The following EYS variants were observed in gnomAD, a reference collection of about 807,000 sequenced individuals.
EYS encodes protein eyes shut homolog.
EYS carries 250 observed loss-of-function variants against 282.1 expected under a neutral mutation model. That is an observed-to-expected ratio of 0.89 (90% CI 0.80 to 0.98). EYS has a LOEUF of 0.98. EYS is among the 50% of genes least tolerant of loss of function. The pLI, the probability that EYS is intolerant of heterozygous loss-of-function variation, is 0.00. For missense variants in EYS, 4,016 were observed against 3,709.0 expected, an observed-to-expected ratio of 1.08 and a Z score of -2.15; for synonymous variants, 1,355 against 1,282.9, an observed-to-expected ratio of 1.06 and a Z score of -1.20.
In EYS at chr6:64,590,477, G is replaced by T. The variant is rs1766368888; in HGVS notation, c.5390C>A (p.Ser1797Ter). The T allele has an allele frequency of 6.4e-7, 1 of 1,551,292 alleles. No homozygotes were observed. The highest frequency in any genetic ancestry group is 8.7e-7 in the Non-Finnish European group (1 of 1,146,780). ...VTTNVAFYTV[S>*]ATPALSIQTS... ...CTGTATTGAAAGTGCTGGAGTTGCT[G>T]AAACTGTATAAAATGCAACATTGGT... is the stretch of plus-strand genomic sequence containing the variant. Residue 1797 changes from serine to a stop codon, truncating the protein, a stop_gained, in exon 26 of 43, where the codon TCA (serine) becomes TAA (stop). Coordinates refer to ENST00000503581, the MANE Select transcript of EYS (RefSeq NM_001142800.2). LOFTEE classifies it high-confidence loss of function.
In EYS at chr6:64,751,050, G is replaced by A. The variant is rs180787318; in HGVS notation, c.3443+62328C>T. On this transcript the variant is annotated intron_variant, in intron 22 of 42. Coordinates refer to ENST00000503581, the MANE Select transcript of EYS (RefSeq NM_001142800.2). Reference sequence around the variant, plus strand: ...TTTGCTGTGTAGAGAACTTGATGCAGTGGCAGTTTTCATGCTACAAGCCTG... The same window carrying A: ...TTTGCTGTGTAGAGAACTTGATGCAATGGCAGTTTTCATGCTACAAGCCTG... Among the ~76,000 whole-genome samples, 4 of 152,242 alleles carry A rather than the reference G, an allele frequency of 2.6e-5. No individual in the cohort carries two copies. The East Asian group carries it at 7.8e-4, about 30-fold the overall frequency.
intron 30 of EYS, among the ~76,000 whole-genome samples, chr6:64,243,431 G>A (rs113347148): frequency 3.0e-4 from 45 of 152,222 alleles, no homozygotes; most frequent in Admixed American, 7.9e-4. Flanking sequence ...AGCCACTTTC[G>A]TGGACTCAGG....
chr6:65,464,250 G>C (rs1194367534), intron 5 of EYS, among the ~76,000 whole-genome samples: 1 of 152,086 alleles, frequency 6.6e-6, no homozygotes, highest in Non-Finnish European at 1.5e-5. Flanking sequence ...ATGAAGCAAA[G>C]AAGACTTTTT....
chr6:65,397,117 C>G, intron 7 of EYS, among the ~76,000 whole-genome samples: 1 of 151,854 alleles, frequency 6.6e-6, no homozygotes, highest in Non-Finnish European at 1.5e-5. Flanking sequence ...TCTCATGTTC[C>G]TATCTGGGTT....
chr6:65,662,063 T>C (rs1346890365), intron 1 of EYS, among the ~76,000 whole-genome samples: 1 of 152,078 alleles, frequency 6.6e-6, no homozygotes, highest in Admixed American at 6.5e-5. Flanking sequence ...TTTTACTTTT[T>C]TTCTGGTCAC....
intron 34 of EYS, among the ~76,000 whole-genome samples, chr6:63,989,218 AAG>A (rs1163582429): frequency 6.6e-6 from 1 of 151,662 alleles, no homozygotes; most frequent in Non-Finnish European, 1.5e-5. Context: ...GCTTTTATTT[AAG>A]AGTCATTACC....
chr6:64,450,641 A>C, intron 26 of EYS, among the ~76,000 whole-genome samples: 1 of 152,182 alleles, frequency 6.6e-6, no homozygotes, highest in Admixed American at 6.6e-5. Context: ...AAAGAACAGA[A>C]ATGATAACAA....
At chr6:63,845,422 G>C (rs1772073231) in intron 36 of EYS, among the ~76,000 whole-genome samples, 2 of 149,004 alleles carry the variant, frequency 1.3e-5, no homozygotes, top group Non-Finnish European at 3.0e-5. Context: ...AACTGTATCT[G>C]TTTGAGTTTG....
At chr6:64,884,801 T>A (rs546262353) in intron 19 of EYS, among the ~76,000 whole-genome samples, 99 of 151,794 alleles carry the variant, frequency 6.5e-4, no homozygotes, top group Non-Finnish European at 1.1e-3. Flanking sequence ...TATTTCATAA[T>A]ATTTTTTCTA....
intron 22 of EYS, among the ~76,000 whole-genome samples, chr6:64,804,186 G>T (rs1764355638): frequency 6.6e-6 from 1 of 152,172 alleles, no homozygotes; most frequent in Admixed American, 6.5e-5. Context: ...TTTGCTTTGA[G>T]ACAGCCATTT....
intron 15 of EYS, among the ~76,000 whole-genome samples, chr6:64,931,987 A>ACT (rs1276520623): frequency 2.0e-5 from 3 of 151,996 alleles, no homozygotes; most frequent in African/African-American, 7.2e-5. Context: ...TCAAACATAC[A>ACT]CTCTTCCATA....
Position 63,726,557 on chromosome 6 carries a change from A to T in EYS, c.8195T>A (p.Ile2732Asn). 1 of 1,551,372 alleles carries T rather than the reference A, an allele frequency of 6.4e-7. No homozygotes were observed. The highest frequency in any genetic ancestry group is 8.7e-7 in the Non-Finnish European group (1 of 1,146,794). The change falls in exon 42 of 43, where the codon ATC (isoleucine) becomes AAC (asparagine). Residue 2732 changes from isoleucine (I) to asparagine (N), a missense_variant. Transcript: ENST00000503581. The part of the protein sequence containing the change: ...LQFQPLAADG[I>N]LFYAAQHLKA... ...TAAGTGTTGTGCAGCATAAAATAGGATACCATCTGCAGCGAGAGGCTGAAA... is the reference window on the plus strand; with the variant it reads ...TAAGTGTTGTGCAGCATAAAATAGGTTACCATCTGCAGCGAGAGGCTGAAA...
chr6:64,375,976 A>T (rs896591980), intron 29 of EYS, among the ~76,000 whole-genome samples: 7 of 152,204 alleles, frequency 4.6e-5, no homozygotes, highest in African/African-American at 1.7e-4. Flanking sequence ...AAATTAATAC[A>T]AACCAAAAAT....
chr6:64,972,612 A>T (rs1026278070), intron 14 of EYS, among the ~76,000 whole-genome samples: 2 of 152,168 alleles, frequency 1.3e-5, no homozygotes, highest in Non-Finnish European at 2.9e-5. Flanking sequence ...CTTCCTTATG[A>T]TTTTCTTATA....
intron 13 of EYS, among the ~76,000 whole-genome samples, chr6:65,015,656 G>T (rs969876067): frequency 2.6e-5 from 4 of 151,760 alleles, no homozygotes; most frequent in South Asian, 2.1e-4. Flanking sequence ...ATACATATTT[G>T]GTAGGAAAAA....
At chr6:65,190,895 T>C (rs1765626334) in intron 12 of EYS, among the ~76,000 whole-genome samples, 1 of 151,800 alleles carries the variant, frequency 6.6e-6, no homozygotes, top group Admixed American at 6.6e-5. Context: ...AATACAAAAA[T>C]TCTAGGAACT....
intron 4 of EYS, chr6:65,491,420 C>A: frequency 3.2e-6 from 1 of 313,944 alleles, no homozygotes; most frequent in Non-Finnish European, 6.3e-6. Flanking sequence ...CTGTTACAAA[C>A]CAACTGCATG....
intron 5 of EYS, among the ~76,000 whole-genome samples, chr6:65,484,328 A>C (rs907754935): frequency 1.3e-5 from 2 of 152,316 alleles, no homozygotes; most frequent in African/African-American, 4.8e-5. Context: ...TGGTTGCACT[A>C]AAACAAATAG....
At chr6:65,471,589 T>C (rs1439171149) in intron 5 of EYS, among the ~76,000 whole-genome samples, 4 of 152,180 alleles carry the variant, frequency 2.6e-5, no homozygotes, top group Non-Finnish European at 5.9e-5. Context: ...GTAATTTATG[T>C]TGACGTAATT....
Sources: gnomAD v4.1 joint callset for allele counts (sites outside exome capture counted in the v4.1 genomes callset) on GRCh38, gnomAD v4.1.1 for gene constraint, MANE v1.5 for transcripts, NCBI Gene and HGNC (gene_info 2026-07-23, HGNC 2026-07-21) for gene names.